EBF2: variants seen among roughly 807,000 people sequenced by gnomAD.
EBF2 encodes transcription factor COE2.
In EBF2, 21 loss-of-function variants were observed where a neutral mutation model predicts 72.8. That is an observed-to-expected ratio of 0.29 (90% CI 0.20 to 0.42). EBF2 has a LOEUF of 0.42. Ranked by LOEUF, EBF2 falls within the 10% of genes least tolerant of loss-of-function variation. The pLI, the probability that EBF2 is intolerant of heterozygous loss-of-function variation, is 1.00. For synonymous variants in EBF2, 299 were observed against 274.2 expected, an observed-to-expected ratio of 1.09 and a Z score of -0.89; for missense variants, 637 against 731.2, an observed-to-expected ratio of 0.87 and a Z score of 1.49.
chr8:25,926,790 G>A lies in EBF2; in HGVS notation c.552-18235C>T, dbSNP rs117842470. ...AGCAAGACTTTGAAAGTACATTCGA[G>A]AGTTCTATTCATCACCTTTGAGGCA... On this transcript the variant is annotated intron_variant, in intron 6 of 15. Coordinates refer to ENST00000520164, the MANE Select transcript of EBF2 (RefSeq NM_022659.4). Among the ~76,000 whole-genome samples, 70 of 152,308 alleles carry A rather than the reference G, an allele frequency of 4.6e-4. 2 individuals carry two copies. The East Asian group carries it at 0.013, about 29-fold the overall frequency.
At chr8:25,873,582 G>A (rs902927197) in intron 10 of EBF2, among the ~76,000 whole-genome samples, 1 of 152,176 alleles carries the variant, frequency 6.6e-6, no homozygotes, top group African/African-American at 2.4e-5. Context: ...ACAGGAACAA[G>A]AATACGAGGA....
intron 7 of EBF2, among the ~76,000 whole-genome samples, chr8:25,890,100 C>T (rs1175613257): frequency 1.3e-5 from 2 of 152,188 alleles, no homozygotes; most frequent in Admixed American, 6.5e-5. Context: ...AAAGCACACC[C>T]ATGTAATGAA....
intron 11 of EBF2, 59 bp downstream of exon 11, chr8:25,862,650 C>A (rs968478552): frequency 1.3e-5 from 18 of 1,418,198 alleles, no homozygotes; most frequent in Non-Finnish European, 1.7e-5. Flanking sequence ...CTGCATTTGT[C>A]TAAGTTTCCT....
At chr8:25,914,541 A>G (rs904601677) in intron 6 of EBF2, among the ~76,000 whole-genome samples, 1 of 152,202 alleles carries the variant, frequency 6.6e-6, no homozygotes, top group African/African-American at 2.4e-5. Flanking sequence ...AGACTCCAGG[A>G]GGTCAAGCTC....
intron 6 of EBF2, among the ~76,000 whole-genome samples, chr8:25,916,250 C>T (rs147612566): frequency 6.6e-4 from 97 of 146,186 alleles, no homozygotes; most frequent in African/African-American, 2.4e-3. Flanking sequence ...TGTGCCACTG[C>T]ACTCCAGCCT....
intron 6 of EBF2, among the ~76,000 whole-genome samples, chr8:25,964,526 G>A (rs1476504106): frequency 6.6e-6 from 1 of 152,152 alleles, no homozygotes; most frequent in Non-Finnish European, 1.5e-5. Context: ...GAACAAAACA[G>A]GACTGGATTA....
chr8:25,847,116 A>G (rs1332686098), intron 15 of EBF2, among the ~76,000 whole-genome samples: 1 of 152,182 alleles, frequency 6.6e-6, no homozygotes, highest in Non-Finnish European at 1.5e-5. Flanking sequence ...AAGAATGGTG[A>G]TAATGGCATG....
intron 5 of EBF2, 88 bp from the exon 6 acceptor site, chr8:26,033,241 C>G: frequency 7.5e-7 from 1 of 1,330,188 alleles, no homozygotes; most frequent in Non-Finnish European, 1.1e-6. Flanking sequence ...TTTTTCCCCC[C>G]AGACAGAGTC....
chr8:25,990,155 A>G (rs1269142246), intron 6 of EBF2, among the ~76,000 whole-genome samples: 1 of 151,880 alleles, frequency 6.6e-6, no homozygotes, highest in Non-Finnish European at 1.5e-5. Flanking sequence ...GTCCTTATAC[A>G]TCTGCATGTA....
rs554197563 is a variant in EBF2 at position 25,973,581 on chromosome 8, G to A, written c.551+59504C>T. Among the ~76,000 whole-genome samples the A allele has an allele frequency of 5.3e-5, 8 of 152,252 alleles. No individual in the cohort carries two copies. In the East Asian group the frequency reaches 1.5e-3, roughly 29 times the overall value. Reference sequence around the variant, plus strand: ...CATTTTAATAAAAGTTAACTTAAAAGAAAACAAACAACTCTCAAATCACAT... The same window carrying A: ...CATTTTAATAAAAGTTAACTTAAAAAAAAACAAACAACTCTCAAATCACAT... On this transcript the variant is annotated intron_variant, in intron 6 of 15. Coordinates refer to ENST00000520164, the MANE Select transcript of EBF2 (RefSeq NM_022659.4).
chr8:25,982,495 G>T (rs577856364), intron 6 of EBF2, among the ~76,000 whole-genome samples: 4 of 152,330 alleles, frequency 2.6e-5, no homozygotes, highest in African/African-American at 9.6e-5. Context: ...GGGAGTGAAA[G>T]GTGAAACTCA....
intron 6 of EBF2, among the ~76,000 whole-genome samples, chr8:25,967,299 G>A (rs1309571418): frequency 1.3e-5 from 2 of 152,144 alleles, no homozygotes; most frequent in Non-Finnish European, 2.9e-5. Flanking sequence ...TCTTTTTTGG[G>A]TAGAGAATTG....
chr8:25,865,430 A>C (rs1170430098), intron 10 of EBF2, among the ~76,000 whole-genome samples: 1 of 152,106 alleles, frequency 6.6e-6, no homozygotes, highest in Non-Finnish European at 1.5e-5. Flanking sequence ...TATGGCATAC[A>C]GATGAAGACA....
chr8:25,955,017 G>T (rs527273385), intron 6 of EBF2, among the ~76,000 whole-genome samples: 1 of 152,310 alleles, frequency 6.6e-6, no homozygotes, highest in African/African-American at 2.4e-5. Context: ...TAAACAAGGC[G>T]CCCAGGGGCT....
At position 25,886,789 on chromosome 8, in the gene EBF2, G is replaced by T; in HGVS notation, c.975C>A (p.Phe325Leu). 1 of 1,612,076 alleles carries T rather than the reference G, an allele frequency of 6.2e-7. No homozygotes were observed. The highest frequency in any genetic ancestry group is 8.5e-7 in the Non-Finnish European group (1 of 1,178,984). ...TGAACCTTCCTGGGGCTCCTTTGCA[G>T]AACTGTTTAGATTTATAAGATAATG... ...EVTLSYKSKQFCKGAPGRFIY... is the reference protein window; with the variant it reads ...EVTLSYKSKQLCKGAPGRFIY... The change falls in exon 10 of 16, where the codon TTC becomes TTA. Residue 325 changes from phenylalanine to leucine, a missense_variant. Coordinates refer to ENST00000520164, the MANE Select transcript of EBF2 (RefSeq NM_022659.4).
At chr8:25,929,976 G>T (rs1236976996) in intron 6 of EBF2, among the ~76,000 whole-genome samples, 2 of 152,162 alleles carry the variant, frequency 1.3e-5, no homozygotes, top group South Asian at 4.1e-4. Flanking sequence ...GCCGAATGGA[G>T]AACAAAATAA....
intron 6 of EBF2, among the ~76,000 whole-genome samples, chr8:25,964,490 T>A (rs1804083946): frequency 6.6e-6 from 1 of 152,120 alleles, no homozygotes; most frequent in African/African-American, 2.4e-5. Context: ...ATGAGAACAA[T>A]GTATCCTTCT....
At position 25,977,703 on chromosome 8, in the gene EBF2, G is replaced by A. The variant is rs544722106; in HGVS notation, c.551+55382C>T. Among the ~76,000 whole-genome samples the A allele has an allele frequency of 1.4e-3, 209 of 152,300 alleles. 1 individual carries two copies. The highest frequency in any genetic ancestry group is 4.9e-3 in the African/African-American group (205 of 41,558). On this transcript the variant is annotated intron_variant, in intron 6 of 15. Coordinates refer to ENST00000520164, the MANE Select transcript of EBF2 (RefSeq NM_022659.4). ...CTAGCATGAACAGGGTTCATTCCAA[G>A]TCAGCTTTGACTTCCTTGCCCGAAG...
At chr8:25,859,726 T>A (rs1802175137) in intron 13 of EBF2, among the ~76,000 whole-genome samples, 1 of 151,928 alleles carries the variant, frequency 6.6e-6, no homozygotes, top group African/African-American at 2.4e-5. Context: ...CTAGTCTTTT[T>A]TTTTTTTTGA....
Sources: gnomAD v4.1 joint callset for allele counts (sites outside exome capture counted in the v4.1 genomes callset) on GRCh38, gnomAD v4.1.1 for gene constraint, MANE v1.5 for transcripts, NCBI Gene and HGNC (gene_info 2026-07-23, HGNC 2026-07-21) for gene names.